Variants in SDK2 observed in about 807,000 individuals in gnomAD.
SDK2 encodes the protein protein sidekick-2.
SDK2 carries 105 observed loss-of-function variants against 253.9 expected under a neutral mutation model. The observed-to-expected ratio is 0.41, with a 90% CI of 0.35 to 0.49. The LOEUF is 0.49. SDK2 is among the 20% of genes least tolerant of loss of function. The pLI is 0.06. For missense variants in SDK2, 2,608 were observed against 3,003.0 expected (o/e 0.87, Z 3.07); for synonymous variants, 1,249 against 1,234.9 (o/e 1.01, Z -0.24).
intron 1 of SDK2, among the ~76,000 whole-genome samples, chr17:73,569,029 A>C (rs778711007): frequency 6.6e-6 from 1 of 152,216 alleles, no homozygotes; most frequent in Non-Finnish European, 1.5e-5. Context: ...CACAAGAACC[A>C]GGAACTGCTG....
intron 1 of SDK2, among the ~76,000 whole-genome samples, chr17:73,606,865 G>C (rs2045915295): frequency 6.6e-6 from 1 of 152,166 alleles, no homozygotes; most frequent in African/African-American, 2.4e-5. Flanking sequence ...ATCAGGCGGA[G>C]GGAAAGCTTC....
chr17:73,348,310 A>G, intron 44 of SDK2, among the ~76,000 whole-genome samples: 1 of 152,168 alleles, frequency 6.6e-6, no homozygotes, highest in South Asian at 2.1e-4. Context: ...GGACAGCCCT[A>G]ATGAGTAACT....
rs951031087 is a variant in SDK2, at chr17:73,618,137, T to C, written c.64+25888A>G. 1.3e-5 allele frequency among the ~76,000 whole-genome samples: 2 copies of C among 152,124 alleles called. No homozygotes were observed. The highest frequency in any genetic ancestry group is 2.1e-4 in the South Asian group (1 of 4,824). The stretch of plus-strand genomic sequence containing the variant: ...GCAAATGCAAGAGACCTTGAACCAA[T>C]AGATAGGTTTCCTTACCTGCAGGTA... On this transcript the variant is annotated intron_variant, in intron 1 of 44. Transcript: ENST00000392650. The surrounding 1 kb of genome is among the most constrained non-coding windows in gnomAD (Gnocchi z 4.1).
At position 73,467,726 on chromosome 17, in the gene SDK2, A is replaced by C. The variant is rs1030763422; in HGVS notation, c.331+4386T>G. Among the ~76,000 whole-genome samples the C allele has an allele frequency of 2.6e-5, 4 of 152,182 alleles. No individual in the cohort carries two copies. Among genetic ancestry groups the C allele is most frequent in the African/African-American group, 4.8e-5 (2 of 41,430 alleles). On this transcript the variant is annotated intron_variant, in intron 3 of 44. Coordinates refer to ENST00000392650, the MANE Select transcript of SDK2 (RefSeq NM_001144952.2). The surrounding 1 kb of genome is among the most constrained non-coding windows in gnomAD (Gnocchi z 4.1). ...GAACTGCGTTCTTCTCAAGGGTCGG[A>C]AGGACTTCCTAGGGCTTTTCTAACT...
Position 73,395,240 on chromosome 17 carries a change from T to C in SDK2, c.3507A>G (p.Thr1169=). Residue 1169 remains threonine (T), a synonymous_variant, in exon 25 of 45, where the codon ACA becomes ACG. Coordinates refer to ENST00000392650, the MANE Select transcript of SDK2 (RefSeq NM_001144952.2). The surrounding 1 kb of genome is among the most constrained non-coding windows in gnomAD (Gnocchi z 4.3). ...AGGCCTGGACCTGGACGCGGTACTC[T>C]GTCCACTCCTCCAGGTCCTCGATGG... ...DYTIEDLEEW[T]EYRVQVQAFN... The C allele has an allele frequency of 6.2e-7, 1 of 1,613,670 alleles. No homozygotes were observed. The highest frequency in any genetic ancestry group is 8.5e-7 in the Non-Finnish European group (1 of 1,179,808).
chr17:73,550,975 T>C (rs2045048041), intron 1 of SDK2, among the ~76,000 whole-genome samples: 1 of 152,076 alleles, frequency 6.6e-6, no homozygotes, highest in Non-Finnish European at 1.5e-5. Flanking sequence ...CTACCTCCTG[T>C]CTCCTGTCAG....
intron 1 of SDK2, among the ~76,000 whole-genome samples, chr17:73,543,866 C>T (rs1222897410): frequency 6.6e-6 from 1 of 152,184 alleles, no homozygotes; most frequent in Non-Finnish European, 1.5e-5. Flanking sequence ...CTGGGTGAGG[C>T]CACCCATGGG....
At chr17:73,493,766 G>A (rs1203640898) in intron 2 of SDK2, among the ~76,000 whole-genome samples, 1 of 152,230 alleles carries the variant, frequency 6.6e-6, no homozygotes, top group Non-Finnish European at 1.5e-5. Flanking sequence ...CTGTGTGTGG[G>A]GTCATGCTCT....
intron 26 of SDK2, 54 bp from the exon 27 acceptor site, chr17:73,393,803 C>T (rs1015864785): frequency 1.0e-5 from 14 of 1,396,776 alleles, no homozygotes; most frequent in African/African-American, 1.4e-5. Context: ...CACCCATCTA[C>T]ACTTTTCCCG....
In SDK2 at chr17:73,575,741, T is replaced by C. The variant is rs528840120; in HGVS notation, c.65-68144A>G. ...ATTAAAGTTGAATAGACAATCTTTGTGCTCAAGGAGCTCAGCTTAGCGTGG... is the reference window on the plus strand; with the variant it reads ...ATTAAAGTTGAATAGACAATCTTTGCGCTCAAGGAGCTCAGCTTAGCGTGG... On this transcript the variant is annotated intron_variant, in intron 1 of 44. Transcript: ENST00000392650. Among the ~76,000 whole-genome samples, 395 of 151,228 alleles carry C rather than the reference T, an allele frequency of 2.6e-3. 2 individuals carry two copies. The highest frequency in any genetic ancestry group is 9.2e-3 in the African/African-American group (375 of 40,842).
At chr17:73,493,006 G>C (rs2063817502) in intron 2 of SDK2, among the ~76,000 whole-genome samples, 1 of 152,222 alleles carries the variant, frequency 6.6e-6, no homozygotes, top group Non-Finnish European at 1.5e-5. Flanking sequence ...GGTGGAAAGC[G>C]GGAGATTCTC....
In SDK2 at chr17:73,618,373, T is replaced by C. The variant is rs561210969; in HGVS notation, c.64+25652A>G. 6.6e-6 allele frequency among the ~76,000 whole-genome samples: 1 copy of C among 152,238 alleles called. No homozygotes were observed. The highest frequency in any genetic ancestry group is 1.5e-5 in the Non-Finnish European group (1 of 68,038). Reference sequence around the variant, plus strand: ...CTCGCTGTGCCTGTGGATTCATTTATAGTCGTCAAAACAAGATTCTCCAGG... The same window carrying C: ...CTCGCTGTGCCTGTGGATTCATTTACAGTCGTCAAAACAAGATTCTCCAGG... On this transcript the variant is annotated intron_variant, in intron 1 of 44. Coordinates refer to ENST00000392650, the MANE Select transcript of SDK2 (RefSeq NM_001144952.2). This position sits in a 1 kb window ranked among gnomAD's most constrained non-coding sequence, Gnocchi z 4.1.
chr17:73,437,708 T>C, intron 8 of SDK2, 31 bp downstream of exon 8: 1 of 1,571,386 alleles, frequency 6.4e-7, no homozygotes. Flanking sequence ...TCTGGGGTCT[T>C]TGTCCCCCTC....
intron 1 of SDK2, among the ~76,000 whole-genome samples, chr17:73,606,971 A>G (rs745433812): frequency 6.6e-6 from 1 of 152,172 alleles, no homozygotes; most frequent in Non-Finnish European, 1.5e-5. Flanking sequence ...ATGGCCCAAG[A>G]GCCAATGCTT....
At chr17:73,520,186 T>C (rs2064066407) in intron 1 of SDK2, 2 of 152,362 alleles carry the variant, frequency 1.3e-5, no homozygotes, top group South Asian at 4.1e-4. Flanking sequence ...GCCATCCTGG[T>C]GTCACCCATC....
intron 2 of SDK2, among the ~76,000 whole-genome samples, chr17:73,502,084 T>TACACACAC (rs5821971): frequency 1.1e-3 from 28 of 26,540 alleles, no homozygotes; most frequent in African/African-American, 2.7e-3. Flanking sequence ...GTAGTGCACA[T>TACACACAC]ACACACACAC....
intron 36 of SDK2, among the ~76,000 whole-genome samples, chr17:73,377,117 G>A (rs912644410): frequency 1.8e-4 from 28 of 152,070 alleles, no homozygotes; most frequent in African/African-American, 4.1e-4. Context: ...ACAACCAGCC[G>A]CCAAGAATGA....
chr17:73,551,961 C>T (rs2045066511), intron 1 of SDK2, among the ~76,000 whole-genome samples: 1 of 152,216 alleles, frequency 6.6e-6, no homozygotes, highest in Admixed American at 6.5e-5. Context: ...CTGTGATTGG[C>T]TGCCACCAGA....
intron 1 of SDK2, among the ~76,000 whole-genome samples, chr17:73,556,847 A>G (rs537824899): frequency 1.3e-4 from 20 of 152,286 alleles, no homozygotes; most frequent in African/African-American, 4.8e-4. Context: ...CTCTTCTGTA[A>G]AATGGGGGTG....
Sources: allele counts gnomAD v4.1 joint callset (sites outside exome capture counted in the v4.1 genomes callset), GRCh38; gene constraint gnomAD v4.1.1; non-coding constraint Gnocchi (gnomAD v3.1); transcripts MANE v1.5; gene names NCBI Gene and HGNC (gene_info 2026-07-23, HGNC 2026-07-21).